Variants in CHRM3 observed in about 807,000 individuals in gnomAD.
The protein encoded by CHRM3 is cholinergic receptor muscarinic 3.
In CHRM3, 11 loss-of-function variants were observed where a neutral mutation model predicts 41.8. The ratio of observed to expected loss-of-function variants is 0.26; its 90% CI spans 0.17 to 0.44. The LOEUF (loss-of-function observed/expected upper bound fraction) is 0.44. Among genes scored for constraint, CHRM3 ranks in the 20% least tolerant of loss-of-function variants. The pLI is 1.00. For synonymous variants in CHRM3, 297 were observed against 301.4 expected, an observed-to-expected ratio of 0.99 and a Z score of 0.15; for missense variants, 571 against 745.4, an observed-to-expected ratio of 0.77 and a Z score of 2.72.
At position 239,780,755 on chromosome 1, in the gene CHRM3, G is replaced by C. The variant is rs527265956; in HGVS notation, c.-146-46497G>C. The stretch of plus-strand genomic sequence containing the variant: ...TTTATAATTTTATATTTTACATTTA[G>C]ATATGTGATTCATTTTGAGTTAATG... On this transcript the variant is annotated intron_variant, in intron 5 of 6. Coordinates refer to ENST00000676153, the MANE Select transcript of CHRM3 (RefSeq NM_001375978.1). 8.6e-5 allele frequency among the ~76,000 whole-genome samples: 13 copies of C among 152,024 alleles called. No homozygotes were observed. In the South Asian group the frequency reaches 2.5e-3, roughly 29 times the overall value.
At chr1:239,654,546 A>C (rs1270492258) in intron 4 of CHRM3, among the ~76,000 whole-genome samples, 1 of 152,004 alleles carries the variant, frequency 6.6e-6, no homozygotes, top group African/African-American at 2.4e-5. Flanking sequence ...CTACAGGCAC[A>C]CACCACCCAT....
At chr1:239,662,504 G>A (rs1177248885) in intron 4 of CHRM3, among the ~76,000 whole-genome samples, 2 of 152,076 alleles carry the variant, frequency 1.3e-5, no homozygotes, top group Non-Finnish European at 2.9e-5. Flanking sequence ...AAAATATTGG[G>A]AGAAACTTAA....
chr1:239,723,262 A>G (rs1034507360), intron 5 of CHRM3, among the ~76,000 whole-genome samples: 1 of 151,976 alleles, frequency 6.6e-6, no homozygotes, highest in Non-Finnish European at 1.5e-5. Context: ...ACAGTGCCTA[A>G]GTAATTTCTA....
chr1:239,650,329 A>G (rs1286164750), intron 4 of CHRM3, among the ~76,000 whole-genome samples: 5 of 152,214 alleles, frequency 3.3e-5, no homozygotes, highest in Non-Finnish European at 7.3e-5. Context: ...AGCAGTTAGT[A>G]TTTCACTGCT....
At chr1:239,800,507 T>A (rs1377766671) in intron 5 of CHRM3, among the ~76,000 whole-genome samples, 3 of 152,234 alleles carry the variant, frequency 2.0e-5, no homozygotes, top group African/African-American at 7.2e-5. Flanking sequence ...TCAATGATTC[T>A]CAACTTAAAC....
At chr1:239,421,597 G>C (rs1390213377) in intron 1 of CHRM3, among the ~76,000 whole-genome samples, 1 of 152,154 alleles carries the variant, frequency 6.6e-6, no homozygotes, top group Non-Finnish European at 1.5e-5. Context: ...GTGGCTTACT[G>C]TTTTTAAAAA....
rs890813570 is a variant in CHRM3 at position 239,820,290 on chromosome 1, T to C, written c.-146-6962T>C. ...GGGAAAGGGAGGTAGGAAGTGTGGGTGATTCTAGGCGGTTAGTAAATGATT... is the reference window on the plus strand; with the variant it reads ...GGGAAAGGGAGGTAGGAAGTGTGGGCGATTCTAGGCGGTTAGTAAATGATT... On this transcript the variant is annotated intron_variant, in intron 5 of 6. Transcript: ENST00000676153. 2.0e-4 allele frequency among the ~76,000 whole-genome samples: 31 copies of C among 152,110 alleles called. 1 individual carries two copies. The highest frequency in any genetic ancestry group is 7.0e-4 in the African/African-American group (29 of 41,504).
In CHRM3 at chr1:239,664,695, T is replaced by A. The variant is rs564802994; in HGVS notation, c.-249-13491T>A. 3.3e-5 allele frequency among the ~76,000 whole-genome samples: 5 copies of A among 152,236 alleles called. No individual in the cohort carries two copies. In the East Asian group the frequency reaches 9.7e-4, roughly 30 times the overall value. ...TGGGACTCTAGCCCCTCTCCCTTCT[T>A]CTGTCCTCCCCTATGATCTCATGTT... On this transcript the variant is annotated intron_variant, in intron 4 of 6. Coordinates refer to ENST00000676153, the MANE Select transcript of CHRM3 (RefSeq NM_001375978.1).
chr1:239,566,752 T>A (rs548350462), intron 3 of CHRM3, among the ~76,000 whole-genome samples: 1 of 152,332 alleles, frequency 6.6e-6, no homozygotes, highest in East Asian at 1.9e-4. Flanking sequence ...TCTAGTTCAG[T>A]GTTGAGGTTT....
intron 3 of CHRM3, among the ~76,000 whole-genome samples, chr1:239,627,632 G>A (rs1371521563): frequency 2.8e-5 from 4 of 144,224 alleles, no homozygotes; most frequent in Admixed American, 6.9e-5. Context: ...ATTTTGCAGC[G>A]GCTGGTACCC....
At chr1:239,646,733 G>A (rs1671773759) in intron 4 of CHRM3, among the ~76,000 whole-genome samples, 1 of 152,070 alleles carries the variant, frequency 6.6e-6, no homozygotes, top group Admixed American at 6.6e-5. Flanking sequence ...GATGAGGAAA[G>A]GCAGACAAGG....
intron 5 of CHRM3, among the ~76,000 whole-genome samples, chr1:239,694,148 T>A (rs1225282063): frequency 6.6e-6 from 1 of 152,194 alleles, no homozygotes; most frequent in Non-Finnish European, 1.5e-5. Flanking sequence ...TATAACCTAG[T>A]TAGAGCATAT....
At position 239,791,064 on chromosome 1, in the gene CHRM3, A is replaced by C. The variant is rs971055179; in HGVS notation, c.-146-36188A>C. On this transcript the variant is annotated intron_variant, in intron 5 of 6. Coordinates refer to ENST00000676153, the MANE Select transcript of CHRM3 (RefSeq NM_001375978.1). ...CGCTCCTGGAGAAAAAAAAAAAAAA[A>C]CACACAAAACTAGCATGTCCCACAG... Among the ~76,000 whole-genome samples the C allele has an allele frequency of 1.7e-3, 250 of 149,060 alleles. 1 individual carries two copies. Among genetic ancestry groups the C allele is most frequent in the African/African-American group, 5.9e-3 (236 of 39,870 alleles).
chr1:239,405,748 ATGT>A (rs1660544601), intron 1 of CHRM3, among the ~76,000 whole-genome samples: 1 of 152,184 alleles, frequency 6.6e-6, no homozygotes, highest in South Asian at 2.1e-4. Context: ...TGAAAAAAAA[ATGT>A]TGTTACTTTC....
intron 2 of CHRM3, among the ~76,000 whole-genome samples, chr1:239,530,526 C>T (rs886982509): frequency 6.6e-6 from 1 of 152,124 alleles, no homozygotes; most frequent in African/African-American, 2.4e-5. Flanking sequence ...ACTGTCAGTG[C>T]AGGGTTCCAG....
At chr1:239,507,554 A>G (rs2148177230) in intron 2 of CHRM3, among the ~76,000 whole-genome samples, 1 of 152,350 alleles carries the variant, frequency 6.6e-6, no homozygotes, top group South Asian at 2.1e-4. Context: ...AAAATGGACT[A>G]ATACAATGAT....
At chr1:239,667,763 G>A (rs991147306) in intron 4 of CHRM3, among the ~76,000 whole-genome samples, 3 of 152,074 alleles carry the variant, frequency 2.0e-5, no homozygotes, top group African/African-American at 7.2e-5. Context: ...TATCTTGAAA[G>A]TTTTCCTGTC....
At chr1:239,621,863 G>A (rs902831599) in intron 3 of CHRM3, among the ~76,000 whole-genome samples, 2 of 82,476 alleles carry the variant, frequency 2.4e-5, no homozygotes, top group Admixed American at 1.3e-4. Flanking sequence ...AGTGTAGATC[G>A]ACCAGCCTTC....
rs578160322 is a variant in CHRM3 at position 239,512,257 on chromosome 1, T to C, written c.-422+19450T>C. Among the ~76,000 whole-genome samples, 15 of 152,338 alleles carry C rather than the reference T, an allele frequency of 9.8e-5. 1 individual carries two copies. The South Asian group carries it at 3.1e-3, about 32-fold the overall frequency. On this transcript the variant is annotated intron_variant, in intron 2 of 6. Transcript: ENST00000676153. ...CAAGTCCTGGTTTTCAAGCTGCAGG[T>C]CGAGTTCAGGGCTAGCAGTCAGAGG...
Sources: gnomAD v4.1 joint callset for allele counts (sites outside exome capture counted in the v4.1 genomes callset) on GRCh38, gnomAD v4.1.1 for gene constraint, MANE v1.5 for transcripts, NCBI Gene and HGNC (gene_info 2026-07-23, HGNC 2026-07-21) for gene names.